LRIG3: variants seen among roughly 807,000 people sequenced by gnomAD.
LRIG3 encodes leucine-rich repeats and immunoglobulin-like domains protein 3.
In LRIG3, 76 loss-of-function variants were observed where a neutral mutation model predicts 114.5. The ratio of observed to expected loss-of-function variants is 0.66; its 90% CI spans 0.55 to 0.80. LRIG3 has a LOEUF of 0.80. LRIG3 is among the 30% of genes least tolerant of loss of function. The pLI is 0.00. For synonymous variants in LRIG3, 512 were observed against 519.8 expected, an observed-to-expected ratio of 0.98 and a Z score of 0.20; for missense variants, 1,239 against 1,382.8, an observed-to-expected ratio of 0.90 and a Z score of 1.65.
rs1362638179 is a variant in LRIG3, at chr12:58,920,122, G to A, written c.114C>T (p.Pro38=). 9 of 1,547,514 alleles carry A rather than the reference G, an allele frequency of 5.8e-6. No individual in the cohort carries two copies. Among genetic ancestry groups the A allele is most frequent in the Non-Finnish European group, 6.1e-6 (7 of 1,147,102 alleles). ...ATGGGCGCTCGGCGGCTACCCCAGA[G>A]GGCTGCCCGAGTTCCCCGCGACCGC... ...DSGGRGELGQ[P]SGVAAERPCP... is the part of the protein sequence containing the mutation. The change falls in exon 1 of 19, where the codon CCC becomes CCT. Residue 38 remains proline, a synonymous_variant. Coordinates refer to ENST00000320743, the MANE Select transcript of LRIG3 (RefSeq NM_153377.5).
chr12:58,889,867 A>G, intron 5 of LRIG3, 129 bp downstream of exon 5: 1 of 1,177,336 alleles, frequency 8.5e-7, no homozygotes, highest in Non-Finnish European at 1.2e-6. Context: ...CTACAGCTCC[A>G]ACTCTCAAAG....
intron 11 of LRIG3, 87 bp from the exon 12 acceptor site, chr12:58,883,119 A>G (rs1871171799): frequency 1.5e-6 from 2 of 1,353,272 alleles, no homozygotes; most frequent in African/African-American, 2.9e-5. Context: ...TTAACAAAGC[A>G]ATGAATTTGG....
At chr12:58,875,314 C>G (rs1870879946) in intron 16 of LRIG3, among the ~76,000 whole-genome samples, 1 of 152,132 alleles carries the variant, frequency 6.6e-6, no homozygotes, top group Admixed American at 6.5e-5. Context: ...TCCACTCTGC[C>G]TCTAAACGGG....
rs773898037 is a variant in LRIG3 at position 58,872,604 on chromosome 12, G to A, written c.3328C>T (p.Pro1110Ser). 1.2e-6 allele frequency: 2 copies of A among 1,613,600 alleles called. No homozygotes were observed. Among genetic ancestry groups the A allele is most frequent in the Admixed American group, 1.7e-5 (1 of 59,968 alleles). ...TCCAAGTCATAAGACTGAAAATTTGGAGTCCTGTAGTTTTCTAAAGTCTGT... is the reference window on the plus strand; with the variant it reads ...TCCAAGTCATAAGACTGAAAATTTGAAGTCCTGTAGTTTTCTAAAGTCTGT... ...FKQTLENYRT[P>S]NFQSYDLDT The change falls in exon 19 of 19, where the codon CCA becomes TCA. Residue 1110 changes from proline (P) to serine (S), a missense_variant. Physicochemically the swap from Pro to Ser is moderately conservative, Grantham distance 74. Transcript: ENST00000320743.
Position 58,911,107 on chromosome 12 carries a change from G to C in LRIG3, c.383+2875C>G, listed in dbSNP as rs138109684. Among the ~76,000 whole-genome samples the C allele has an allele frequency of 3.8e-3, 574 of 152,262 alleles. 4 individuals carry two copies. The highest frequency in any genetic ancestry group is 0.013 in the African/African-American group (557 of 41,542). Reference sequence around the variant, plus strand: ...ACTGGTTGACTTCTGAGCTAGTTCTGTGTGGGATTCAAAGGAAAGCATGTC... The same window carrying C: ...ACTGGTTGACTTCTGAGCTAGTTCTCTGTGGGATTCAAAGGAAAGCATGTC... On this transcript the variant is annotated intron_variant, in intron 3 of 18. Coordinates refer to ENST00000320743, the MANE Select transcript of LRIG3 (RefSeq NM_153377.5).
intron 3 of LRIG3, among the ~76,000 whole-genome samples, chr12:58,899,034 A>G (rs1410240816): frequency 6.6e-6 from 1 of 152,212 alleles, no homozygotes; most frequent in Non-Finnish European, 1.5e-5. Context: ...TCTCTGCACC[A>G]GTGTTTTGTA....
chr12:58,913,944 GC>G, intron 3 of LRIG3, 37 bp downstream of exon 3: 1 of 1,548,754 alleles, frequency 6.5e-7, no homozygotes, highest in Non-Finnish European at 8.8e-7. Flanking sequence ...CAAGGTTCCT[GC>G]AAACATACAT....
chr12:58,904,305 A>C (rs978736748), intron 3 of LRIG3, among the ~76,000 whole-genome samples: 1 of 152,162 alleles, frequency 6.6e-6, no homozygotes, highest in East Asian at 1.9e-4. Context: ...AGAGAGACAC[A>C]TGTTGAATCT....
intron 3 of LRIG3, among the ~76,000 whole-genome samples, chr12:58,902,409 G>A (rs182694686): frequency 2.8e-4 from 43 of 152,210 alleles, no homozygotes; most frequent in Admixed American, 2.8e-3. Context: ...GGTACCTGCA[G>A]CATGAATGTT....
At chr12:58,914,969 A>G (rs1872422780) in intron 1 of LRIG3, among the ~76,000 whole-genome samples, 1 of 152,230 alleles carries the variant, frequency 6.6e-6, no homozygotes, top group South Asian at 2.1e-4. Context: ...AGTTCAGCAG[A>G]TTGCACAAAA....
chr12:58,874,890 A>T (rs1870864888), intron 16 of LRIG3, among the ~76,000 whole-genome samples: 1 of 152,206 alleles, frequency 6.6e-6, no homozygotes, highest in Admixed American at 6.5e-5. Context: ...GTCCCAGATG[A>T]CCAGAACCAG....
chr12:58,883,174 T>C (rs1031566428), intron 11 of LRIG3, 142 bp from the exon 12 acceptor site: 6 of 776,350 alleles, frequency 7.7e-6, no homozygotes, highest in Non-Finnish European at 1.2e-5. Context: ...CCACAGTCCA[T>C]TTTAAAATAC....
chr12:58,882,272 C>T (rs890800288), intron 12 of LRIG3, among the ~76,000 whole-genome samples: 6 of 152,078 alleles, frequency 3.9e-5, no homozygotes, highest in Non-Finnish European at 1.5e-5. Context: ...GAAAGTTACA[C>T]CAGAGATGAA....
intron 15 of LRIG3, 39 bp from the exon 16 acceptor site, chr12:58,876,642 T>C (rs771760559): frequency 6.2e-7 from 1 of 1,608,824 alleles, no homozygotes; most frequent in East Asian, 2.2e-5. Context: ...CCAAGGATGA[T>C]CGTTAATTGT....
chr12:58,912,906 G>A (rs757997486), intron 3 of LRIG3, among the ~76,000 whole-genome samples: 2 of 152,150 alleles, frequency 1.3e-5, no homozygotes, highest in Non-Finnish European at 2.9e-5. Context: ...GTCAAATACC[G>A]ACTGCTTTTT....
chr12:58,917,296 T>C (rs1460135469), intron 1 of LRIG3, among the ~76,000 whole-genome samples: 1 of 152,222 alleles, frequency 6.6e-6, no homozygotes, highest in Non-Finnish European at 1.5e-5. Context: ...AATTTAATAA[T>C]ACTGGAAGTT....
rs201657729 is a variant in LRIG3, at chr12:58,903,874, G to A, written c.383+10108C>T. On this transcript the variant is annotated intron_variant, in intron 3 of 18. Coordinates refer to ENST00000320743, the MANE Select transcript of LRIG3 (RefSeq NM_153377.5). ...CAGGTTTGTCCAAGATCAGATAGTT[G>A]TAGATATGCGGCGTTATTTCTGAGG... is the stretch of plus-strand genomic sequence containing the variant. Among the ~76,000 whole-genome samples, 46 of 152,072 alleles carry A rather than the reference G, an allele frequency of 3.0e-4. No homozygotes were observed. The East Asian group carries it at 5.8e-3, about 19-fold the overall frequency.
intron 5 of LRIG3, 82 bp downstream of exon 5, chr12:58,889,914 T>C (rs1871395978): frequency 1.3e-6 from 2 of 1,512,676 alleles, no homozygotes; most frequent in East Asian, 2.3e-5. Context: ...AACTCCTTTT[T>C]GCCACATTGT....
intron 11 of LRIG3, 34 bp downstream of exon 11, chr12:58,883,486 C>T (rs894303168): frequency 2.0e-6 from 3 of 1,474,060 alleles, no homozygotes; most frequent in Admixed American, 3.5e-5. Context: ...CCCCTCTATA[C>T]TTTCAGACTC....
Sources: gnomAD v4.1 joint callset for allele counts (sites outside exome capture counted in the v4.1 genomes callset) on GRCh38, gnomAD v4.1.1 for gene constraint, MANE v1.5 for transcripts, NCBI Gene and HGNC (gene_info 2026-07-23, HGNC 2026-07-21) for gene names.